The following NKAIN3 variants were observed in gnomAD, a reference collection of about 807,000 sequenced individuals.
NKAIN3 encodes the protein sodium/potassium transporting ATPase interacting 3.
In NKAIN3, 25 loss-of-function variants were observed where a neutral mutation model predicts 30.2. The observed-to-expected ratio is 0.83, with a 90% CI of 0.60 to 1.16. The LOEUF (loss-of-function observed/expected upper bound fraction) is 1.16, where lower values mean the gene tolerates loss of function less well. Ranked by LOEUF, NKAIN3 falls within the 50% of genes most tolerant of loss-of-function variation. The pLI, the probability that NKAIN3 is intolerant of heterozygous loss-of-function variation, is 0.00. For synonymous variants in NKAIN3, 91 were observed against 89.6 expected (o/e 1.02, Z -0.09); for missense variants, 225 against 254.1 (o/e 0.89, Z 0.78).
chr8:62,751,334 GT>G (rs1206502500), intron 4 of NKAIN3, among the ~76,000 whole-genome samples: 1 of 152,096 alleles, frequency 6.6e-6, no homozygotes, highest in African/African-American at 2.4e-5. Flanking sequence ...CATATACTTG[GT>G]TCGAAAACAT....
intron 1 of NKAIN3, among the ~76,000 whole-genome samples, chr8:62,520,664 G>T (rs766924555): frequency 3.9e-4 from 60 of 152,086 alleles, no homozygotes; most frequent in Middle Eastern, 3.4e-3. Context: ...ATAACTACAG[G>T]TTTAATATCT....
intron 5 of NKAIN3, among the ~76,000 whole-genome samples, chr8:62,944,159 CAT>C (rs953065096): frequency 1.3e-5 from 2 of 152,022 alleles, no homozygotes; most frequent in East Asian, 1.9e-4. Context: ...CCCATTGAAA[CAT>C]ATATATATAA....
chr8:62,376,183 C>T (rs1270532766), intron 1 of NKAIN3, among the ~76,000 whole-genome samples: 3 of 152,146 alleles, frequency 2.0e-5, no homozygotes, highest in Non-Finnish European at 4.4e-5. Context: ...TGACTTTATT[C>T]CTGAATCTAT....
chr8:62,465,763 C>A (rs1275280405), intron 1 of NKAIN3, among the ~76,000 whole-genome samples: 1 of 152,140 alleles, frequency 6.6e-6, no homozygotes, highest in African/African-American at 2.4e-5. Flanking sequence ...TAGCTCACGC[C>A]TATAATCCTA....
chr8:62,463,505 CTG>C, intron 1 of NKAIN3, among the ~76,000 whole-genome samples: 1 of 152,284 alleles, frequency 6.6e-6, no homozygotes, highest in Non-Finnish European at 1.5e-5. Flanking sequence ...TGCCCTTGGA[CTG>C]TATTCTGTGG....
At chr8:62,660,490 G>A (rs1812911369) in intron 3 of NKAIN3, among the ~76,000 whole-genome samples, 1 of 151,638 alleles carries the variant, frequency 6.6e-6, no homozygotes, top group South Asian at 2.1e-4. Context: ...AATTACACCT[G>A]GTGTTATATT....
intron 1 of NKAIN3, among the ~76,000 whole-genome samples, chr8:62,428,296 A>G (rs1371032585): frequency 6.6e-6 from 1 of 151,972 alleles, no homozygotes; most frequent in Admixed American, 6.6e-5. Flanking sequence ...TGGTTCTTCA[A>G]TAAACATGAG....
rs148832082 is a variant in NKAIN3, at chr8:62,398,035, G to A, written c.54+148908G>A. Among the ~76,000 whole-genome samples, 172 of 152,256 alleles carry A rather than the reference G, an allele frequency of 1.1e-3. 1 individual carries two copies. Among genetic ancestry groups the A allele is most frequent in the African/African-American group, 4.0e-3 (167 of 41,544 alleles). On this transcript the variant is annotated intron_variant, in intron 1 of 6. Transcript: ENST00000623646. The stretch of plus-strand genomic sequence containing the variant: ...ACTTAAGGGTAAAACTGGTGGGAGA[G>A]GGGTGCAGGCACCATGTCTGGCCAC...
At chr8:62,656,468 A>G (rs1370947973) in intron 3 of NKAIN3, among the ~76,000 whole-genome samples, 1 of 151,948 alleles carries the variant, frequency 6.6e-6, no homozygotes, top group Non-Finnish European at 1.5e-5. Flanking sequence ...AATAAAAAAT[A>G]AAAGAACAAA....
intron 3 of NKAIN3, among the ~76,000 whole-genome samples, chr8:62,719,756 T>TTC (rs2130514239): frequency 7.7e-6 from 1 of 130,296 alleles, no homozygotes; most frequent in African/African-American, 3.4e-5. Flanking sequence ...TTTCTTTCTT[T>TTC]TTTTTTTTTT....
At chr8:62,394,603 C>A (rs1402443371) in intron 1 of NKAIN3, among the ~76,000 whole-genome samples, 1 of 152,204 alleles carries the variant, frequency 6.6e-6, no homozygotes, top group Non-Finnish European at 1.5e-5. Flanking sequence ...GTCAAAGGCG[C>A]TCCTCACTTC....
intron 1 of NKAIN3, among the ~76,000 whole-genome samples, chr8:62,422,941 T>C (rs983678133): frequency 6.6e-6 from 1 of 152,142 alleles, no homozygotes; most frequent in South Asian, 2.1e-4. Flanking sequence ...AATAAGTTTG[T>C]CACTTATGCA....
intron 3 of NKAIN3, among the ~76,000 whole-genome samples, chr8:62,659,924 T>C (rs1169578762): frequency 1.3e-5 from 2 of 152,208 alleles, no homozygotes. Flanking sequence ...CATGACTTGC[T>C]CCTCCTTGCC....
intron 4 of NKAIN3, among the ~76,000 whole-genome samples, chr8:62,859,507 C>CAAAAAAAAAAAAAAAA (rs1563597734): frequency 1.7e-3 from 17 of 9,934 alleles, no homozygotes; most frequent in Non-Finnish European, 4.4e-3. Context: ...CTTACTTCAA[C>CAAAAAAAAAAAAAAAA]TAAAAAAAAA....
chr8:62,766,508 GAAAT>G (rs748079648), intron 4 of NKAIN3, among the ~76,000 whole-genome samples: 87 of 152,172 alleles, frequency 5.7e-4, no homozygotes, highest in Non-Finnish European at 1.1e-3. Flanking sequence ...AATTTTCTTT[GAAAT>G]TTATGGGTGA....
At chr8:62,562,683 A>C (rs1234494772) in intron 1 of NKAIN3, among the ~76,000 whole-genome samples, 1 of 152,154 alleles carries the variant, frequency 6.6e-6, no homozygotes, top group Admixed American at 6.6e-5. Flanking sequence ...CGTTTCTTGT[A>C]CATGTTGATT....
At chr8:62,745,067 G>GGC (rs1816024532) in intron 3 of NKAIN3, among the ~76,000 whole-genome samples, 1 of 152,152 alleles carries the variant, frequency 6.6e-6, no homozygotes, top group African/African-American at 2.4e-5. Flanking sequence ...AGTGTAAAAA[G>GGC]AGGGTTTCCC....
At chr8:62,959,595 C>T (rs781105845) in intron 6 of NKAIN3, among the ~76,000 whole-genome samples, 2 of 152,126 alleles carry the variant, frequency 1.3e-5, no homozygotes, top group Non-Finnish European at 2.9e-5. Flanking sequence ...TGTCTTGATA[C>T]TGTTTTCATT....
chr8:62,803,879 A>G (rs543203736), intron 4 of NKAIN3, among the ~76,000 whole-genome samples: 124 of 152,260 alleles, frequency 8.1e-4, no homozygotes, highest in African/African-American at 2.9e-3. Flanking sequence ...AGACTAATAA[A>G]GAAGAAAAGA....
Sources: gnomAD v4.1 joint callset for allele counts (sites outside exome capture counted in the v4.1 genomes callset) on GRCh38, gnomAD v4.1.1 for gene constraint, MANE v1.5 for transcripts, NCBI Gene and HGNC (gene_info 2026-07-23, HGNC 2026-07-21) for gene names.